Variants in RNGTT observed in about 807,000 individuals in gnomAD.
The protein encoded by RNGTT is mRNA-capping enzyme.
Under a neutral mutation model 79.3 loss-of-function variants are expected in RNGTT, and 33 were observed. The ratio of observed to expected loss-of-function variants is 0.42; its 90% CI spans 0.32 to 0.56. The LOEUF is 0.56. Ranked by LOEUF, RNGTT falls within the 20% of genes least tolerant of loss-of-function variation. RNGTT has a pLI of 0.17. For missense variants in RNGTT, 497 were observed against 739.1 expected (o/e 0.67, Z 3.80); for synonymous variants, 222 against 235.9 (o/e 0.94, Z 0.54).
intron 11 of RNGTT, among the ~76,000 whole-genome samples, chr6:88,806,008 C>G (rs1215166697): frequency 6.6e-6 from 1 of 152,082 alleles, no homozygotes; most frequent in Non-Finnish European, 1.5e-5. Flanking sequence ...AACCACTACC[C>G]CTCCCCACCC....
intron 12 of RNGTT, among the ~76,000 whole-genome samples, chr6:88,775,351 C>T (rs376785361): frequency 1.1e-4 from 17 of 152,210 alleles, no homozygotes; most frequent in South Asian, 1.0e-3. Flanking sequence ...ATTCAGCCTA[C>T]GTAACTGCAA....
intron 14 of RNGTT, among the ~76,000 whole-genome samples, chr6:88,616,644 T>C (rs1200499449): frequency 6.6e-6 from 1 of 152,218 alleles, no homozygotes; most frequent in Non-Finnish European, 1.5e-5. Context: ...ATTTCACTAA[T>C]GACTGAGAAT....
At chr6:88,626,820 A>C (rs557412021) in intron 14 of RNGTT, among the ~76,000 whole-genome samples, 5 of 152,186 alleles carry the variant, frequency 3.3e-5, no homozygotes, top group Admixed American at 3.3e-4. Flanking sequence ...AACTAGCAAA[A>C]ATAAGAAGTC....
chr6:88,849,747 G>A lies in RNGTT; in HGVS notation c.1104+8C>T, dbSNP rs370620061. On this transcript the variant is annotated splice_region_variant and intron_variant, in intron 10 of 15. Transcript: ENST00000369485. ...ATAACTTGTATTTTATAAATTATAG[G>A]TACTTACATTGAATTTAATTATGTC... 2.6e-5 allele frequency: 39 copies of A among 1,513,454 alleles called. 1 individual carries two copies. Among genetic ancestry groups the A allele is most frequent in the South Asian group, 2.5e-4 (19 of 75,462 alleles). The allele number at this position is 1,513,454 out of a possible 1,614,324, so 93.8% of individuals were successfully genotyped here.
At chr6:88,788,004 T>G (rs1345780727) in intron 12 of RNGTT, among the ~76,000 whole-genome samples, 1 of 152,220 alleles carries the variant, frequency 6.6e-6, no homozygotes, top group South Asian at 2.1e-4. Context: ...AGTTTGTCTT[T>G]GATATGCAGA....
chr6:88,837,114 C>T (rs897700212), intron 11 of RNGTT, among the ~76,000 whole-genome samples: 1 of 152,160 alleles, frequency 6.6e-6, no homozygotes, highest in Non-Finnish European at 1.5e-5. Flanking sequence ...ACTGCTCTGG[C>T]CGGGCATGGT....
intron 12 of RNGTT, among the ~76,000 whole-genome samples, chr6:88,791,794 C>T (rs1359636901): frequency 6.6e-5 from 10 of 152,180 alleles, no homozygotes; most frequent in Admixed American, 5.9e-4. Flanking sequence ...CCGCCTTGGC[C>T]TCCCAAAGTG....
At position 88,783,287 on chromosome 6, in the gene RNGTT, A is replaced by T. The variant is rs140520987; in HGVS notation, c.1339-13413T>A. Among the ~76,000 whole-genome samples the T allele has an allele frequency of 3.9e-5, 6 of 152,298 alleles. No individual in the cohort carries two copies. In the East Asian group the frequency reaches 5.8e-4, roughly 15 times the overall value. Reference sequence around the variant, plus strand: ...GAGAGCACTGTACTAAGCAAAAATAAGCCAGAAAGAGAAATACTGCATGAT... The same window carrying T: ...GAGAGCACTGTACTAAGCAAAAATATGCCAGAAAGAGAAATACTGCATGAT... On this transcript the variant is annotated intron_variant, in intron 12 of 15. Transcript: ENST00000369485.
intron 1 of RNGTT, among the ~76,000 whole-genome samples, chr6:88,958,605 A>G (rs1004792355): frequency 2.0e-5 from 3 of 152,238 alleles, no homozygotes; most frequent in African/African-American, 7.2e-5. Context: ...CAAGAAGCAT[A>G]TGAAAAATGT....
intron 14 of RNGTT, among the ~76,000 whole-genome samples, chr6:88,633,578 G>A (rs1039351835): frequency 4.6e-5 from 7 of 152,104 alleles, no homozygotes; most frequent in Non-Finnish European, 7.4e-5. Context: ...AAGCTCAATC[G>A]GGATGGAACT....
chr6:88,894,563 G>A (rs1237523890), intron 6 of RNGTT, among the ~76,000 whole-genome samples: 1 of 152,176 alleles, frequency 6.6e-6, no homozygotes, highest in African/African-American at 2.4e-5. Flanking sequence ...CAGCCGGCAT[G>A]CCTTGCAAGG....
intron 8 of RNGTT, among the ~76,000 whole-genome samples, chr6:88,883,170 CAAAAAAAAAAA>C (rs976114373): frequency 1.5e-4 from 10 of 68,870 alleles, no homozygotes; most frequent in East Asian, 1.2e-3. Flanking sequence ...CTCTTTATGA[CAAAAAAAAAAA>C]AAAAAAAAAA....
At chr6:88,644,282 C>T (rs1214454841) in intron 14 of RNGTT, among the ~76,000 whole-genome samples, 3 of 152,128 alleles carry the variant, frequency 2.0e-5, no homozygotes, top group Non-Finnish European at 4.4e-5. Context: ...GACACATACA[C>T]TCTCCCAAGA....
intron 11 of RNGTT, among the ~76,000 whole-genome samples, chr6:88,843,702 A>G (rs1231808460): frequency 1.3e-5 from 2 of 150,728 alleles, no homozygotes; most frequent in African/African-American, 4.9e-5. Context: ...GGGACTATAG[A>G]CATGCGCCGC....
At chr6:88,653,866 C>T (rs925554550) in intron 14 of RNGTT, among the ~76,000 whole-genome samples, 3 of 152,184 alleles carry the variant, frequency 2.0e-5, no homozygotes, top group Non-Finnish European at 2.9e-5. Flanking sequence ...AGCTCAGCCT[C>T]ATAGGGCTTA....
At chr6:88,759,417 G>A (rs756750008) in intron 13 of RNGTT, among the ~76,000 whole-genome samples, 15 of 152,154 alleles carry the variant, frequency 9.9e-5, no homozygotes, top group East Asian at 3.9e-4. Flanking sequence ...CAAAATCTTC[G>A]TGCTGGATAT....
At position 88,929,859 on chromosome 6, in the gene RNGTT, T is replaced by C. The variant is rs142843698; in HGVS notation, c.175-592A>G. Among the ~76,000 whole-genome samples the C allele has an allele frequency of 1.9e-3, 281 of 151,526 alleles. 2 individuals carry two copies. The highest frequency in any genetic ancestry group is 6.6e-3 in the African/African-American group (272 of 41,364). On this transcript the variant is annotated intron_variant, in intron 2 of 15. Transcript: ENST00000369485. ...ATACATATACACACATATACATATG[T>C]ATACATATGCATATATACATACACA...
intron 14 of RNGTT, among the ~76,000 whole-genome samples, chr6:88,634,907 T>C (rs1464401950): frequency 2.0e-5 from 3 of 152,104 alleles, no homozygotes; most frequent in Non-Finnish European, 4.4e-5. Flanking sequence ...ATTATTGTTA[T>C]TATTAATAGT....
intron 10 of RNGTT, 90 bp downstream of exon 10, chr6:88,849,662 CCTA>C (rs1484222220): frequency 4.3e-6 from 5 of 1,165,056 alleles, no homozygotes; most frequent in Admixed American, 3.8e-5. Flanking sequence ...AATTTTCTTT[CCTA>C]CTATCTCTAA....
Sources: allele counts gnomAD v4.1 joint callset (sites outside exome capture counted in the v4.1 genomes callset), GRCh38; gene constraint gnomAD v4.1.1; transcripts MANE v1.5; gene names NCBI Gene and HGNC (gene_info 2026-07-23, HGNC 2026-07-21).